The following ENPP3 variants were observed in gnomAD, a reference collection of about 807,000 sequenced individuals.
ENPP3 encodes the protein ectonucleotide pyrophosphatase/phosphodiesterase 3.
ENPP3 carries 104 observed loss-of-function variants against 117.8 expected under a neutral mutation model. The ratio of observed to expected loss-of-function variants is 0.88; its 90% CI spans 0.75 to 1.04. The LOEUF is 1.04. Ranked by LOEUF, ENPP3 falls within the 50% of genes least tolerant of loss-of-function variation. The pLI is 0.00. For synonymous variants in ENPP3, 380 were observed against 349.9 expected, an observed-to-expected ratio of 1.09 and a Z score of -0.96; for missense variants, 1,026 against 1,051.9, an observed-to-expected ratio of 0.98 and a Z score of 0.34.
intron 5 of ENPP3, among the ~76,000 whole-genome samples, chr6:131,654,710 T>C (rs1778347415): frequency 6.6e-6 from 1 of 152,020 alleles, no homozygotes; most frequent in African/African-American, 2.4e-5. Context: ...CCCAAAGTGC[T>C]GGGATTACAG....
chr6:131,709,740 G>A, intron 15 of ENPP3: 1 of 1,613,980 alleles, frequency 6.2e-7, no homozygotes, highest in Non-Finnish European at 8.5e-7. Context: ...GCTCTTCAGT[G>A]GCATGGCTGA....
At chr6:131,640,719 C>CA (rs1204917685) in intron 1 of ENPP3, among the ~76,000 whole-genome samples, 14 of 152,104 alleles carry the variant, frequency 9.2e-5, no homozygotes. Context: ...ATACAGTATT[C>CA]AAGCCCTGTC....
intron 12 of ENPP3, among the ~76,000 whole-genome samples, chr6:131,683,484 TTTATGTAGA>T (rs1217726874): frequency 6.6e-6 from 1 of 152,206 alleles, no homozygotes; most frequent in Non-Finnish European, 1.5e-5. Context: ...CCATGATTCG[TTTATGTAGA>T]TTGGCTGCAG....
chr6:131,717,582 C>T (rs922958683), intron 15 of ENPP3, among the ~76,000 whole-genome samples: 6 of 151,832 alleles, frequency 4.0e-5, no homozygotes, highest in Non-Finnish European at 7.4e-5. Context: ...TGAAAAACAG[C>T]TACTTATAAA....
At chr6:131,740,085 A>G (rs1285258680) in intron 23 of ENPP3, 139 bp from the exon 24 acceptor site, 2 of 618,842 alleles carry the variant, frequency 3.2e-6, no homozygotes, top group Non-Finnish European at 5.0e-6. Context: ...TACCTAGCAT[A>G]TAGTAAAATG....
chr6:131,643,363 C>T (rs1014673798), intron 2 of ENPP3, among the ~76,000 whole-genome samples: 6 of 152,282 alleles, frequency 3.9e-5, no homozygotes, highest in Middle Eastern at 6.8e-3. Context: ...ACAAAACCTC[C>T]TTTTGTTCCA....
chr6:131,719,661 C>G (rs919791870), intron 16 of ENPP3, among the ~76,000 whole-genome samples: 2 of 151,990 alleles, frequency 1.3e-5, no homozygotes, highest in African/African-American at 4.8e-5. Flanking sequence ...ACACCCACAC[C>G]TGTTACCAAA....
At chr6:131,676,038 G>A (rs1365602838) in intron 9 of ENPP3, among the ~76,000 whole-genome samples, 1 of 151,982 alleles carries the variant, frequency 6.6e-6, no homozygotes, top group Non-Finnish European at 1.5e-5. Flanking sequence ...TGAACTCGTT[G>A]GTGGACTTCA....
Position 131,737,323 on chromosome 6 carries a change from G to A in ENPP3, c.2090-32G>A, listed in dbSNP as rs185776100. Reference sequence around the variant, plus strand: ...GCAGTATGTCATATTTTCTCTTATAGCTAGATCTAATAAGATCCATTTGTT... The same window carrying A: ...GCAGTATGTCATATTTTCTCTTATAACTAGATCTAATAAGATCCATTTGTT... On this transcript the variant is annotated intron_variant, in intron 21 of 24. Transcript: ENST00000357639. 303 of 1,396,712 alleles carry A rather than the reference G, an allele frequency of 2.2e-4. 2 individuals carry two copies. The Middle Eastern group carries it at 3.3e-3, about 15-fold the overall frequency. 86.5% of individuals were successfully genotyped at this position (1,396,712 alleles called of 1,614,324 possible).
chr6:131,733,324 C>T (rs1052281557), intron 20 of ENPP3, among the ~76,000 whole-genome samples: 2 of 152,048 alleles, frequency 1.3e-5, no homozygotes, highest in Non-Finnish European at 2.9e-5. Flanking sequence ...TCCCATTATT[C>T]CTCTGCTCTC....
chr6:131,680,585 G>A (rs1042346075), intron 11 of ENPP3, among the ~76,000 whole-genome samples: 2 of 125,982 alleles, frequency 1.6e-5, no homozygotes, highest in South Asian at 4.4e-4. Flanking sequence ...TAAAACTTGA[G>A]AAGAAGAGGC....
Position 131,747,150 on chromosome 6 carries a change from C to T in ENPP3, c.*194C>T. On this transcript the variant is annotated 3_prime_UTR_variant, in exon 25 of 25. Transcript: ENST00000357639. Reference sequence around the variant, plus strand: ...TGTATTATTTTAAAGTTATATTTTTCACACAGAGATGATGCTATATTACAC... The same window carrying T: ...TGTATTATTTTAAAGTTATATTTTTTACACAGAGATGATGCTATATTACAC... The T allele has an allele frequency of 2.6e-6, 1 of 389,382 alleles. No homozygotes were observed. The highest frequency in any genetic ancestry group is 4.5e-6 in the Non-Finnish European group (1 of 223,918). The allele number at this position is 389,382 out of a possible 1,614,324, so 24.1% of individuals were successfully genotyped here.
intron 15 of ENPP3, among the ~76,000 whole-genome samples, chr6:131,694,841 CAA>C (rs10535185): frequency 0.19 from 18,776 of 97,372 alleles, 1,585 homozygotes; most frequent in East Asian, 0.4. Flanking sequence ...TTGATTCCAT[CAA>C]AAAAAAAAAA....
At chr6:131,745,264 A>ATTT (rs34273961) in intron 24 of ENPP3, among the ~76,000 whole-genome samples, 2 of 146,326 alleles carry the variant, frequency 1.4e-5, no homozygotes, top group African/African-American at 5.0e-5. Context: ...AACATGGCGC[A>ATTT]TTTTTTTTTT....
At chr6:131,673,163 A>G (rs1327145189) in intron 7 of ENPP3, among the ~76,000 whole-genome samples, 2 of 152,194 alleles carry the variant, frequency 1.3e-5, no homozygotes, top group African/African-American at 4.8e-5. Context: ...AATGTCACTT[A>G]TTTGCTGCTG....
At chr6:131,698,017 A>C (rs1055965531) in intron 15 of ENPP3, among the ~76,000 whole-genome samples, 1 of 152,140 alleles carries the variant, frequency 6.6e-6, no homozygotes, top group African/African-American at 2.4e-5. Context: ...TCTTGCTTTT[A>C]TCATATTCTG....
chr6:131,730,854 G>A (rs1432395075), intron 20 of ENPP3, among the ~76,000 whole-genome samples: 4 of 150,686 alleles, frequency 2.7e-5, no homozygotes, highest in Non-Finnish European at 4.4e-5. Context: ...GGCAGAGGTA[G>A]CAGTGAGCCA....
At chr6:131,637,878 C>G (rs894774646) in intron 1 of ENPP3, among the ~76,000 whole-genome samples, 7 of 151,986 alleles carry the variant, frequency 4.6e-5, no homozygotes, top group African/African-American at 1.7e-4. Flanking sequence ...TCTCTTTTGC[C>G]TATTTTCTCT....
At chr6:131,694,712 T>C (rs1023354354) in intron 15 of ENPP3, among the ~76,000 whole-genome samples, 1 of 151,808 alleles carries the variant, frequency 6.6e-6, no homozygotes, top group Admixed American at 6.6e-5. Flanking sequence ...GTAGCACCTG[T>C]AATCCAAGCT....
Sources: gnomAD v4.1 joint callset for allele counts (sites outside exome capture counted in the v4.1 genomes callset) on GRCh38, gnomAD v4.1.1 for gene constraint, MANE v1.5 for transcripts, NCBI Gene and HGNC (gene_info 2026-07-23, HGNC 2026-07-21) for gene names.